The following COG1 variants were observed in gnomAD, a reference collection of about 807,000 sequenced individuals.
COG1 encodes component of oligomeric golgi complex 1, also known as conserved oligomeric Golgi complex subunit 1.
Under a neutral mutation model 102.2 loss-of-function variants are expected in COG1, and 61 were observed. That is an observed-to-expected ratio of 0.60 (90% CI 0.49 to 0.74). The LOEUF (loss-of-function observed/expected upper bound fraction) is 0.74. Among genes scored for constraint, COG1 ranks in the 30% least tolerant of loss-of-function variants. The pLI, the probability that COG1 is intolerant of heterozygous loss-of-function variation, is 0.00. For synonymous variants in COG1, 454 were observed against 493.6 expected (o/e 0.92, Z 1.06); for missense variants, 1,164 against 1,232.1 (o/e 0.94, Z 0.83).
intron 6 of COG1, 122 bp from the exon 7 acceptor site, chr17:73,200,987 C>A: frequency 9.9e-7 from 1 of 1,010,040 alleles, no homozygotes; most frequent in Non-Finnish European, 1.5e-6. Flanking sequence ...CTGCCAACAC[C>A]ATGCCATCTT....
At position 73,196,960 on chromosome 17, in the gene COG1, T is replaced by G; in HGVS notation, c.621T>G (p.Ala207=). The G allele has an allele frequency of 6.2e-7, 1 of 1,614,242 alleles. No homozygotes were observed. Among genetic ancestry groups the G allele is most frequent in the Admixed American group, 1.7e-5 (1 of 60,030 alleles). ...AATGCCAAGGTGTGTCTGACCAAGC[T>G]GTGGCCGAGGCCCTGTGCTCTATAA... The part of the protein sequence containing the change: ...LLKCQGVSDQ[A]VAEALCSIML... Residue 207 remains alanine (A), a synonymous_variant, in exon 3 of 14, where the codon GCT becomes GCG. Coordinates refer to ENST00000299886, the MANE Select transcript of COG1 (RefSeq NM_018714.3).
chr17:73,201,226 T>C lies in COG1; in HGVS notation c.1399T>C (p.Phe467Leu), dbSNP rs1402829184. 6.2e-7 allele frequency: 1 copy of C among 1,614,084 alleles called. No individual in the cohort carries two copies. Among genetic ancestry groups the C allele is most frequent in the East Asian group, 2.2e-5 (1 of 44,876 alleles). ...SNSPSNKHIH[F>L]EYNMSLFLWS... ...CTCCCCTTCAAATAAGCACATCCAC[T>C]TTGAGTACAACATGTCGCTCTTCCT... Residue 467 changes from phenylalanine to leucine, a missense_variant, in exon 7 of 14, where the codon TTT becomes CTT. By Grantham distance (22) the Phe-to-Leu change is conservative. Coordinates refer to ENST00000299886, the MANE Select transcript of COG1 (RefSeq NM_018714.3).
At chr17:73,205,505 T>A in intron 9 of COG1, 48 bp from the exon 10 acceptor site, 1 of 1,610,622 alleles carries the variant, frequency 6.2e-7, no homozygotes, top group East Asian at 2.2e-5. Context: ...TACGCTCACA[T>A]ACCAAGTCCT....
At position 73,193,334 on chromosome 17, in the gene COG1, C is replaced by T. The variant is rs766457949; in HGVS notation, c.265C>T (p.Arg89Cys). Residue 89 changes from arginine to cysteine, a missense_variant, in exon 1 of 14, where the codon CGC (arginine) becomes TGC (cysteine). Arg to Cys is a radical substitution (Grantham distance 180). Coordinates refer to ENST00000299886, the MANE Select transcript of COG1 (RefSeq NM_018714.3). Reference protein sequence around the residue: ...AVKATDQYCARLRQAGSAAPR... With the variant: ...AVKATDQYCACLRQAGSAAPR... ...GAAGGCCACCGACCAGTACTGCGCC[C>T]GCCTCCGCCAGGCCGGCTCGGCCGC... 9.8e-5 allele frequency: 150 copies of T among 1,535,092 alleles called. No individual in the cohort carries two copies. Among genetic ancestry groups the T allele is most frequent in the Middle Eastern group, 6.1e-4 (3 of 4,928 alleles).
Position 73,197,070 on chromosome 17 carries a change from A to T in COG1, c.731A>T (p.Gln244Leu), listed in dbSNP as rs899429756. The T allele has an allele frequency of 8.1e-6, 13 of 1,614,184 alleles. No individual in the cohort carries two copies. Among genetic ancestry groups the T allele is most frequent in the Non-Finnish European group, 9.3e-6 (11 of 1,180,036 alleles). Residue 244 changes from glutamine (Q) to leucine (L), a missense_variant, in exon 3 of 14, where the codon CAG becomes CTG. By Grantham distance (113) the Gln-to-Leu change is moderately radical. Transcript: ENST00000299886. The part of the protein sequence containing the change: ...RKATIQKLLN[Q>L]PHHGAGIKAQ... ...GCAACTATTCAGAAACTTCTCAACCAGCCACACCATGGTGGGTGTGGCTTC... is the reference window on the plus strand; with the variant it reads ...GCAACTATTCAGAAACTTCTCAACCTGCCACACCATGGTGGGTGTGGCTTC...
In COG1 at chr17:73,193,143, A is replaced by G. The variant is rs1020933843; in HGVS notation, c.74A>G (p.His25Arg). The change falls in exon 1 of 14, where the codon CAT (histidine) becomes CGT (arginine). Residue 25 changes from histidine to arginine, a missense_variant. By Grantham distance (29) the His-to-Arg change is conservative. Coordinates refer to ENST00000299886, the MANE Select transcript of COG1 (RefSeq NM_018714.3). ...GACCCTGCGGCTCTTTTCGAGACGC[A>G]TGGAGCGGAGGAGATCCGCGGGCTG... Reference protein sequence around the residue: ...LRDPAALFETHGAEEIRGLER... With the variant: ...LRDPAALFETRGAEEIRGLER... 22 of 1,610,172 alleles carry G rather than the reference A, an allele frequency of 1.4e-5. No homozygotes were observed. Among genetic ancestry groups the G allele is most frequent in the Non-Finnish European group, 1.7e-5 (20 of 1,179,000 alleles).
chr17:73,193,784 C>G lies in COG1; in HGVS notation c.315+400C>G, dbSNP rs115442358. On this transcript the variant is annotated intron_variant, in intron 1 of 13. Coordinates refer to ENST00000299886, the MANE Select transcript of COG1 (RefSeq NM_018714.3). ...TTTCTCCCCTATGTTGACACCTGCACTCCAAGTCATTTCTTCCTCATCCCA... is the reference window on the plus strand; with the variant it reads ...TTTCTCCCCTATGTTGACACCTGCAGTCCAAGTCATTTCTTCCTCATCCCA... 7.1e-3 allele frequency among the ~76,000 whole-genome samples: 1,086 copies of G among 152,296 alleles called. 13 individuals are homozygous for G. The highest frequency in any genetic ancestry group is 0.025 in the African/African-American group (1,031 of 41,554).
chr17:73,206,899 G>A (rs2061376921), intron 12 of COG1, 82 bp downstream of exon 12: 1 of 1,002,116 alleles, frequency 1.0e-6, no homozygotes. Context: ...AGACCATCCT[G>A]GCTAACATGG....
At chr17:73,204,945 T>G (rs897811717) in intron 9 of COG1, among the ~76,000 whole-genome samples, 21 of 152,124 alleles carry the variant, frequency 1.4e-4, no homozygotes, top group African/African-American at 1.9e-4. Context: ...GGTGGATCAC[T>G]TGAGGCCAGG....
In COG1 at chr17:73,201,143, G is replaced by A. The variant is rs767686661; in HGVS notation, c.1316G>A (p.Ser439Asn). Residue 439 changes from serine to asparagine, a missense_variant, in exon 7 of 14, where the codon AGT becomes AAT. Transcript: ENST00000299886. ...LTKEGFDSIS[S>N]SSKELLVSAL... ...AAAGAAGGCTTTGACTCCATCTCCA[G>A]TAGCTCCAAGGAGCTCTTGGTTTCA... 6.2e-7 allele frequency: 1 copy of A among 1,614,152 alleles called. No individual in the cohort carries two copies. Among genetic ancestry groups the A allele is most frequent in the South Asian group, 1.1e-5 (1 of 91,084 alleles).
chr17:73,194,884 T>A (rs527848904), intron 1 of COG1, among the ~76,000 whole-genome samples: 1 of 152,332 alleles, frequency 6.6e-6, no homozygotes, highest in South Asian at 2.1e-4. Context: ...AAGAAAAAAT[T>A]GAAAAGTACA....
Position 73,207,469 on chromosome 17 carries a change from C to G in COG1, c.2805+213C>G, listed in dbSNP as rs1000215245. 4.9e-5 allele frequency: 33 copies of G among 668,774 alleles called. No homozygotes were observed. The Admixed American group carries it at 7.1e-4, about 14-fold the overall frequency. 41.4% of individuals were successfully genotyped at this position (668,774 alleles called of 1,614,324 possible). On this transcript the variant is annotated intron_variant, in intron 13 of 13. Coordinates refer to ENST00000299886, the MANE Select transcript of COG1 (RefSeq NM_018714.3). Reference sequence around the variant, plus strand: ...GATGCCCGCTGACACTACCAAGTAGCCTCTTAATAGAAATGTAGAAAATAT... The same window carrying G: ...GATGCCCGCTGACACTACCAAGTAGGCTCTTAATAGAAATGTAGAAAATAT...
At position 73,205,299 on chromosome 17, in the gene COG1, A is replaced by G. The variant is rs150514375; in HGVS notation, c.2383-254A>G. The G allele has an allele frequency of 1.8e-4, 89 of 485,090 alleles. 1 individual carries two copies. In the East Asian group the frequency reaches 3.4e-3, roughly 18 times the overall value. The allele number at this position is 485,090 out of a possible 1,614,324, so 30.0% of individuals were successfully genotyped here. On this transcript the variant is annotated intron_variant, in intron 9 of 13. Coordinates refer to ENST00000299886, the MANE Select transcript of COG1 (RefSeq NM_018714.3). ...GGCAAGGAGCCTTTTTTTCCCCTTT[A>G]GAACAACCATTTACAGCATCTGAGG...
chr17:73,204,848 C>T (rs1050373223), intron 9 of COG1, among the ~76,000 whole-genome samples: 1 of 152,170 alleles, frequency 6.6e-6, no homozygotes, highest in African/African-American at 2.4e-5. Context: ...GGAGCCATCA[C>T]GCCTGGCCAG....
At chr17:73,207,457 A>G in intron 13 of COG1, 1 of 690,354 alleles carries the variant, frequency 1.4e-6, no homozygotes, top group Non-Finnish European at 2.6e-6. Context: ...GCCCGCTGAC[A>G]CTACCAAGTA....
rs1037256 is a variant in COG1, at chr17:73,201,609, G to C, written c.1782G>C (p.Glu594Asp). 5.8e-5 allele frequency: 93 copies of C among 1,613,966 alleles called. No individual in the cohort carries two copies. The African/African-American group carries it at 1.1e-3, about 19-fold the overall frequency. Residue 594 changes from glutamate to aspartate, a missense_variant, in exon 7 of 14, where the codon GAG (glutamate) becomes GAC (aspartate). Transcript: ENST00000299886. The stretch of plus-strand genomic sequence containing the variant: ...GGGCAGAGCTACAGAGCATTGAAGA[G>C]GGTGTGCAAGGGCAACAGGATGCCC... ...CIRAELQSIE[E>D]GVQGQQDALN...
At position 73,193,174 on chromosome 17, in the gene COG1, C is replaced by T; in HGVS notation, c.105C>T (p.Arg35=). 1 of 1,607,894 alleles carries T rather than the reference C, an allele frequency of 6.2e-7. No homozygotes were observed. The highest frequency in any genetic ancestry group is 8.5e-7 in the Non-Finnish European group (1 of 1,177,794). The change falls in exon 1 of 14, where the codon CGC becomes CGT. Residue 35 remains arginine, a synonymous_variant. Coordinates refer to ENST00000299886, the MANE Select transcript of COG1 (RefSeq NM_018714.3). ...HGAEEIRGLE[R]QVRAEIEHKK... ...CGGAGGAGATCCGCGGGCTGGAGCG[C>T]CAGGTTCGGGCCGAGATCGAGCACA...
At chr17:73,207,088 G>C in intron 12 of COG1, 93 bp from the exon 13 acceptor site, 1 of 779,034 alleles carries the variant, frequency 1.3e-6, no homozygotes, top group Non-Finnish European at 1.8e-6. Context: ...ACGAGACTCT[G>C]TCTCAAAAAA....
chr17:73,207,598 TG>T, intron 13 of COG1: 1 of 906,728 alleles, frequency 1.1e-6, no homozygotes, highest in Non-Finnish European at 1.6e-6. Flanking sequence ...TGTTTTGTTC[TG>T]GTGATGATGG....
Sources: gnomAD v4.1 joint callset for allele counts (sites outside exome capture counted in the v4.1 genomes callset) on GRCh38, gnomAD v4.1.1 for gene constraint, MANE v1.5 for transcripts, NCBI Gene and HGNC (gene_info 2026-07-23, HGNC 2026-07-21) for gene names.